The following RORA variants were observed in gnomAD, a reference collection of about 807,000 sequenced individuals.
The protein encoded by RORA is RAR related orphan receptor A, also known as nuclear receptor ROR-alpha.
A neutral mutation model predicts 69.5 loss-of-function variants in RORA; 7 were observed. That is an observed-to-expected ratio of 0.10 (90% CI 0.06 to 0.19). RORA has a LOEUF of 0.19. Among genes scored for constraint, RORA ranks in the 10% least tolerant of loss-of-function variants. RORA has a pLI of 1.00. For missense variants in RORA, 457 were observed against 663.0 expected, an observed-to-expected ratio of 0.69 and a Z score of 3.41; for synonymous variants, 261 against 240.8, an observed-to-expected ratio of 1.08 and a Z score of -0.78.
rs34707279 is a variant in RORA at position 60,517,110 on chromosome 15, C to CTTTTTTTTT, written c.283-2362_283-2354dup. Among the ~76,000 whole-genome samples the CTTTTTTTTT allele has an allele frequency of 3.2e-3, 455 of 141,210 alleles. 10 individuals carry two copies. The highest frequency in any genetic ancestry group is 0.011 in the African/African-American group (399 of 35,450). The allele number at this position is 141,210 out of a possible 152,430, so 92.6% of individuals were successfully genotyped here. A position where few individuals can be genotyped will look rare whatever the true frequency, so the allele number is the denominator to read the frequency against. On this transcript the variant is annotated intron_variant, in intron 3 of 10. Coordinates refer to ENST00000335670, the MANE Select transcript of RORA (RefSeq NM_134261.3). ...TTATTTTTCTTTTTGTTCATCTGTG[C>CTTTTTTTTT]TTTTTTTTTTTTTCCCCCCTACAAT...
chr15:60,671,081 T>TATCA (rs1399515917), intron 2 of RORA, among the ~76,000 whole-genome samples: 1 of 143,924 alleles, frequency 6.9e-6, no homozygotes, highest in African/African-American at 2.8e-5. Flanking sequence ...TATATATATA[T>TATCA]ATATATATAT....
intron 1 of RORA, among the ~76,000 whole-genome samples, chr15:60,733,788 G>T (rs1180033115): frequency 6.6e-6 from 1 of 152,118 alleles, no homozygotes. Context: ...ACAAACGTGG[G>T]CAATGGCCTG....
rs893135689 is a variant in RORA, at chr15:60,738,574, C to A, written c.167-59888G>T. On this transcript the variant is annotated intron_variant, in intron 1 of 10. Transcript: ENST00000335670. Reference sequence around the variant, plus strand: ...TTTTATGATATCGTTGGTATTAAGACAAATATAATCCAGGCTGGATTTCAT... The same window carrying A: ...TTTTATGATATCGTTGGTATTAAGAAAAATATAATCCAGGCTGGATTTCAT... Among the ~76,000 whole-genome samples the A allele has an allele frequency of 4.6e-5, 7 of 152,322 alleles. 1 individual carries two copies. Among genetic ancestry groups the A allele is most frequent in the African/African-American group, 1.7e-4 (7 of 41,568 alleles).
intron 1 of RORA, among the ~76,000 whole-genome samples, chr15:61,185,675 C>T (rs559536347): frequency 6.6e-6 from 1 of 152,348 alleles, no homozygotes; most frequent in East Asian, 1.9e-4. Flanking sequence ...ATAACCTAAA[C>T]TACCACTCTG....
chr15:60,948,764 A>G (rs556555846), intron 1 of RORA, among the ~76,000 whole-genome samples: 34 of 152,338 alleles, frequency 2.2e-4, no homozygotes, highest in Middle Eastern at 3.4e-3. Flanking sequence ...CACAACAAAT[A>G]TAAGATACGG....
chr15:60,900,343 G>C (rs570057274), intron 1 of RORA, among the ~76,000 whole-genome samples: 1 of 152,278 alleles, frequency 6.6e-6, no homozygotes, highest in African/African-American at 2.4e-5. Context: ...CAGCACACAA[G>C]TTACAGCACA....
intron 1 of RORA, among the ~76,000 whole-genome samples, chr15:60,841,918 C>T (rs8042231): frequency 0.02 from 2,981 of 152,296 alleles, 107 homozygotes; most frequent in African/African-American, 0.069. Context: ...CCCTTGGGGG[C>T]GTGGGACCTG....
chr15:61,180,831 G>A (rs957508881), intron 1 of RORA, among the ~76,000 whole-genome samples: 6 of 152,182 alleles, frequency 3.9e-5, no homozygotes, highest in South Asian at 2.1e-4. Flanking sequence ...AGGCGTGGTG[G>A]CTCACACCTG....
At chr15:60,623,511 C>A (rs943094357) in intron 2 of RORA, among the ~76,000 whole-genome samples, 2 of 152,168 alleles carry the variant, frequency 1.3e-5, no homozygotes, top group African/African-American at 4.8e-5. Context: ...TTGATTCCCC[C>A]ATGAAAGCAC....
At chr15:61,107,913 A>G (rs2078967052) in intron 1 of RORA, among the ~76,000 whole-genome samples, 1 of 152,168 alleles carries the variant, frequency 6.6e-6, no homozygotes, top group Non-Finnish European at 1.5e-5. Context: ...CATATTGGAC[A>G]AGATACAGAA....
intron 1 of RORA, among the ~76,000 whole-genome samples, chr15:61,132,265 C>T (rs539177030): frequency 4.2e-4 from 64 of 152,030 alleles, no homozygotes; most frequent in African/African-American, 1.5e-3. Flanking sequence ...TACATGTCAA[C>T]AGGAAAATTA....
At chr15:61,069,333 C>A (rs1018069142) in intron 1 of RORA, among the ~76,000 whole-genome samples, 1 of 152,104 alleles carries the variant, frequency 6.6e-6, no homozygotes, top group African/African-American at 2.4e-5. Flanking sequence ...GAAGAAAAAG[C>A]TTTTGCAAAT....
intron 1 of RORA, among the ~76,000 whole-genome samples, chr15:61,003,588 T>G (rs1894815121): frequency 6.6e-6 from 1 of 152,230 alleles, no homozygotes; most frequent in African/African-American, 2.4e-5. Context: ...AAGCTTATTG[T>G]AGTCACACTG....
intron 1 of RORA, among the ~76,000 whole-genome samples, chr15:61,185,423 T>C (rs2079732029): frequency 1.3e-5 from 2 of 151,686 alleles, no homozygotes; most frequent in Non-Finnish European, 2.9e-5. Context: ...AAAAGTGAAA[T>C]CTTCCCAGAA....
rs892693516 is a variant in RORA at position 61,139,326 on chromosome 15, C to A, written c.166+89727G>T. 3.3e-5 allele frequency among the ~76,000 whole-genome samples: 5 copies of A among 152,222 alleles called. No individual in the cohort carries two copies. In the South Asian group the frequency reaches 8.3e-4, roughly 25 times the overall value. ...TACCTCACCAATCACCATCGTTCCA[C>A]GGAGCACAGTCTGGGAAACACTTGT... On this transcript the variant is annotated intron_variant, in intron 1 of 10. Coordinates refer to ENST00000335670, the MANE Select transcript of RORA (RefSeq NM_134261.3).
intron 1 of RORA, among the ~76,000 whole-genome samples, chr15:61,163,356 A>T (rs1419699105): frequency 6.6e-6 from 1 of 152,138 alleles, no homozygotes; most frequent in Non-Finnish European, 1.5e-5. Flanking sequence ...TCATGATGAG[A>T]CGGGGCACCT....
intron 2 of RORA, among the ~76,000 whole-genome samples, chr15:60,626,218 C>T (rs3784607): frequency 0.5 from 76,248 of 152,038 alleles, 19,289 homozygotes; most frequent in African/African-American, 0.58. Context: ...CCACAAGCTG[C>T]ACCAGTCACT....
chr15:60,769,667 C>A (rs373068078), intron 1 of RORA, among the ~76,000 whole-genome samples: 53 of 152,092 alleles, frequency 3.5e-4, no homozygotes, highest in African/African-American at 1.3e-3. Flanking sequence ...GTGTGCCTCT[C>A]TGATGTCTGA....
chr15:60,979,379 G>A (rs1218375075), intron 1 of RORA, among the ~76,000 whole-genome samples: 2 of 145,676 alleles, frequency 1.4e-5, no homozygotes, highest in African/African-American at 5.1e-5. Context: ...TTGAATTTTA[G>A]GGTCAACTGC....
Sources: gnomAD v4.1 joint callset for allele counts (sites outside exome capture counted in the v4.1 genomes callset) on GRCh38, gnomAD v4.1.1 for gene constraint, MANE v1.5 for transcripts, NCBI Gene and HGNC (gene_info 2026-07-23, HGNC 2026-07-21) for gene names.